Variants in CD38 observed in about 807,000 individuals in gnomAD.
The protein encoded by CD38 is CD38 molecule.
CD38 carries 31 observed loss-of-function variants against 36.3 expected under a neutral mutation model. That is an observed-to-expected ratio of 0.85 (90% CI 0.64 to 1.15). The LOEUF (loss-of-function observed/expected upper bound fraction) is 1.15, where lower values mean the gene tolerates loss of function less well. Ranked by LOEUF, CD38 falls within the 50% of genes most tolerant of loss-of-function variation. The probability of loss-of-function intolerance (pLI) is 0.00; values close to 1 mark genes in which losing one functional copy is unlikely to be tolerated. For synonymous variants in CD38, 131 were observed against 135.2 expected, an observed-to-expected ratio of 0.97 and a Z score of 0.22; for missense variants, 380 against 371.9, an observed-to-expected ratio of 1.02 and a Z score of -0.18.
chr4:15,796,468 T>C (rs998342297), intron 1 of CD38, among the ~76,000 whole-genome samples: 1 of 152,112 alleles, frequency 6.6e-6, no homozygotes, highest in Non-Finnish European at 1.5e-5. Flanking sequence ...AAAAATTAAA[T>C]TATTAACATT....
chr4:15,805,953 G>C (rs928165789), intron 1 of CD38, among the ~76,000 whole-genome samples: 4 of 152,218 alleles, frequency 2.6e-5, no homozygotes, highest in Non-Finnish European at 5.9e-5. Context: ...TACCCTGCAA[G>C]ATCTGAGTGC....
chr4:15,837,712 A>G (rs775871097), intron 4 of CD38, among the ~76,000 whole-genome samples: 1 of 152,046 alleles, frequency 6.6e-6, no homozygotes, highest in African/African-American at 2.4e-5. Flanking sequence ...TCATCCCTGA[A>G]TCATCCACCT....
intron 2 of CD38, among the ~76,000 whole-genome samples, chr4:15,820,712 A>G (rs1723714066): frequency 6.6e-6 from 1 of 152,224 alleles, no homozygotes; most frequent in Non-Finnish European, 1.5e-5. Flanking sequence ...ACCTTCAAAG[A>G]GATTTAGATA....
intron 1 of CD38, among the ~76,000 whole-genome samples, chr4:15,801,658 T>C (rs904630102): frequency 6.6e-6 from 1 of 152,018 alleles, no homozygotes; most frequent in African/African-American, 2.4e-5. Context: ...TCAACAAACA[T>C]AATACATCCC....
At chr4:15,823,842 T>C (rs932564327) in intron 2 of CD38, among the ~76,000 whole-genome samples, 24 of 152,168 alleles carry the variant, frequency 1.6e-4, no homozygotes, top group Non-Finnish European at 3.2e-4. Context: ...ATTATAAAGA[T>C]ATGTGCATGC....
intron 3 of CD38, among the ~76,000 whole-genome samples, chr4:15,829,744 A>T (rs1723921974): frequency 6.6e-6 from 1 of 152,164 alleles, no homozygotes; most frequent in South Asian, 2.1e-4. Context: ...ATGTCTTGCT[A>T]CACTTCCCAG....
At chr4:15,810,068 G>T (rs1304562140) in intron 1 of CD38, among the ~76,000 whole-genome samples, 1 of 152,208 alleles carries the variant, frequency 6.6e-6, no homozygotes, top group Non-Finnish European at 1.5e-5. Context: ...ATAAGATGTA[G>T]AAAGGGCAGA....
intron 4 of CD38, among the ~76,000 whole-genome samples, chr4:15,836,557 T>A (rs147542594): frequency 6.6e-6 from 1 of 152,140 alleles, no homozygotes; most frequent in Non-Finnish European, 1.5e-5. Flanking sequence ...AATCCCTACA[T>A]TAAAGGTGAA....
intron 1 of CD38, among the ~76,000 whole-genome samples, chr4:15,802,108 C>T (rs745516507): frequency 6.6e-6 from 1 of 152,046 alleles, no homozygotes; most frequent in Non-Finnish European, 1.5e-5. Context: ...TTGTGAGATA[C>T]AAAATCAACA....
At chr4:15,828,709 C>A (rs1012128773) in intron 3 of CD38, among the ~76,000 whole-genome samples, 1 of 152,096 alleles carries the variant, frequency 6.6e-6, no homozygotes, top group East Asian at 1.9e-4. Flanking sequence ...CACACTTTAT[C>A]CATTCGTCTA....
intron 7 of CD38, among the ~76,000 whole-genome samples, chr4:15,842,253 CT>C (rs1724229305): frequency 7.6e-6 from 1 of 130,900 alleles, no homozygotes; most frequent in Admixed American, 7.3e-5. Flanking sequence ...TCCCTGACCC[CT>C]GACCCCCGAG....
chr4:15,817,301 G>A (rs758407889), intron 2 of CD38, among the ~76,000 whole-genome samples: 1 of 152,208 alleles, frequency 6.6e-6, no homozygotes, highest in Non-Finnish European at 1.5e-5. Context: ...CTATCAGAGT[G>A]CACCTTTTCT....
rs1723824495 is a variant in CD38, at chr4:15,825,309, A to G, written c.499+293A>G. On this transcript the variant is annotated intron_variant, in intron 3 of 7. Coordinates refer to ENST00000226279, the MANE Select transcript of CD38 (RefSeq NM_001775.4). ...GCTGTTTCCACTCATGGAGAAGGGGAAGGGGAGCTGGCATTTACAGAGATC... is the reference window on the plus strand; with the variant it reads ...GCTGTTTCCACTCATGGAGAAGGGGGAGGGGAGCTGGCATTTACAGAGATC... 1.4e-5 allele frequency: 5 copies of G among 348,586 alleles called. No individual in the cohort carries two copies. In the South Asian group the frequency reaches 1.6e-4, roughly 11 times the overall value. The allele number at this position is 348,586 out of a possible 1,614,324, so 21.6% of individuals were successfully genotyped here.
chr4:15,784,313 T>G (rs550221273), intron 1 of CD38, among the ~76,000 whole-genome samples: 1 of 152,126 alleles, frequency 6.6e-6, no homozygotes, highest in Non-Finnish European at 1.5e-5. Flanking sequence ...AAGAAAGAAA[T>G]AGCATTTCAG....
At chr4:15,822,210 T>C (rs1184517008) in intron 2 of CD38, among the ~76,000 whole-genome samples, 1 of 152,034 alleles carries the variant, frequency 6.6e-6, no homozygotes, top group Admixed American at 6.6e-5. Context: ...ATAAGAACCA[T>C]TTATGACAAA....
chr4:15,821,287 A>G (rs1723728640), intron 2 of CD38, among the ~76,000 whole-genome samples: 1 of 152,146 alleles, frequency 6.6e-6, no homozygotes, highest in Non-Finnish European at 1.5e-5. Flanking sequence ...GAACTAGAGA[A>G]CCAAGAGAAA....
rs550670064 is a variant in CD38 at position 15,778,592 on chromosome 4, C to G, written c.178C>G (p.Pro60Ala). The G allele has an allele frequency of 6.2e-7, 1 of 1,613,648 alleles. No homozygotes were observed. The highest frequency in any genetic ancestry group is 2.2e-5 in the East Asian group (1 of 44,866). Residue 60 changes from proline to alanine, a missense_variant, in exon 1 of 8, where the codon CCC becomes GCC. Physicochemically the swap from Pro to Ala is conservative, Grantham distance 27 (BLOSUM62 -1). Coordinates refer to ENST00000226279, the MANE Select transcript of CD38 (RefSeq NM_001775.4). The surrounding 1 kb of genome is among the most constrained non-coding windows in gnomAD (Gnocchi z 4.9). Reference protein sequence around the residue: ...WSGPGTTKRFPETVLARCVKY... With the variant: ...WSGPGTTKRFAETVLARCVKY... ...CGGTCCGGGCACCACCAAGCGCTTTCCCGAGACCGTCCTGGCGCGATGCGT... is the reference window on the plus strand; with the variant it reads ...CGGTCCGGGCACCACCAAGCGCTTTGCCGAGACCGTCCTGGCGCGATGCGT...
At chr4:15,821,220 G>T (rs34762270) in intron 2 of CD38, among the ~76,000 whole-genome samples, 21 of 152,106 alleles carry the variant, frequency 1.4e-4, no homozygotes, top group African/African-American at 4.3e-4. Flanking sequence ...AGCACTAAAT[G>T]CCCACATCAA....
Position 15,851,193 on chromosome 4 carries a change from C to A in CD38, c.*2591C>A, listed in dbSNP as rs1724376843. 1 of 152,174 alleles carries A rather than the reference C, an allele frequency of 6.6e-6. No homozygotes were observed. The highest frequency in any genetic ancestry group is 1.5e-5 in the Non-Finnish European group (1 of 68,086). 9.4% of individuals were successfully genotyped at this position (152,174 alleles called of 1,614,324 possible). On this transcript the variant is annotated 3_prime_UTR_variant, in exon 8 of 8. Transcript: ENST00000226279. ...GACCTTGTGTGTCTATCTTCATTAC[C>A]ACAATGCCTCATCTCTACCTCCTTT...
Sources: allele counts gnomAD v4.1 joint callset (sites outside exome capture counted in the v4.1 genomes callset), GRCh38; gene constraint gnomAD v4.1.1; non-coding constraint Gnocchi (gnomAD v3.1); transcripts MANE v1.5; gene names NCBI Gene and HGNC (gene_info 2026-07-23, HGNC 2026-07-21).